The following TLR7 variants were observed in gnomAD, a reference collection of about 807,000 sequenced individuals.
TLR7 encodes the protein toll like receptor 7.
A neutral mutation model predicts 38.3 loss-of-function variants in TLR7; 12 were observed. That is an observed-to-expected ratio of 0.31 (90% CI 0.20 to 0.51). The LOEUF (loss-of-function observed/expected upper bound fraction) is 0.51. TLR7 is among the 20% of genes least tolerant of loss of function. The pLI is 0.98. For missense variants in TLR7, 504 were observed against 743.4 expected, an observed-to-expected ratio of 0.68 and a Z score of 3.74; for synonymous variants, 285 against 293.8, an observed-to-expected ratio of 0.97 and a Z score of 0.31.
At position 12,886,257 on chromosome X, in the gene TLR7, A is replaced by G; in HGVS notation, c.749A>G (p.Gln250Arg). The G allele has an allele frequency of 8.3e-7, 1 of 1,211,763 alleles. No homozygotes were observed. The highest frequency in any genetic ancestry group is 1.1e-6 in the Non-Finnish European group (1 of 895,462). ...IQEDDFNNLN[Q>R]LQILDLSGNC... The stretch of plus-strand genomic sequence containing the variant: ...GAAGATGATTTTAATAACCTCAACC[A>G]ATTACAAATTCTTGACCTAAGTGGA... The change falls in exon 3 of 3, where the codon CAA becomes CGA. Residue 250 changes from glutamine to arginine, a missense_variant. Gln to Arg is a conservative substitution (Grantham distance 43). Coordinates refer to ENST00000380659, the MANE Select transcript of TLR7 (RefSeq NM_016562.4).
At position 12,887,264 on chromosome X, in the gene TLR7, A is replaced by T; in HGVS notation, c.1756A>T (p.Thr586Ser). 8.3e-7 allele frequency: 1 copy of T among 1,210,489 alleles called. No homozygotes were observed. Among genetic ancestry groups the T allele is most frequent in the Non-Finnish European group, 1.1e-6 (1 of 894,739 alleles). Residue 586 changes from threonine (T) to serine (S), a missense_variant, in exon 3 of 3, where the codon ACT (threonine) becomes TCT (serine). By Grantham distance (58) the Thr-to-Ser change is moderately conservative. Transcript: ENST00000380659. ...NSHYFQSEGI[T>S]HMLNFTKNLK... is the part of the protein sequence containing the mutation. ...CCATTATTTTCAATCAGAAGGAATT[A>T]CTCATATGCTAAACTTTACCAAGAA...
chrX:12,880,590 G>T (rs1602436526), intron 2 of TLR7, among the ~76,000 whole-genome samples: 1 of 110,983 alleles, frequency 9.0e-6, no homozygotes, highest in South Asian at 3.8e-4. Flanking sequence ...TTAGTCTGGG[G>T]GTATAGACTG....
chrX:12,874,391 C>T (rs2042863721), intron 2 of TLR7, among the ~76,000 whole-genome samples: 1 of 111,329 alleles, frequency 9.0e-6, no homozygotes, highest in Non-Finnish European at 1.9e-5. Context: ...AAAACATGTA[C>T]TAGTTATTTT....
chrX:12,873,841 A>G (rs5743740), intron 2 of TLR7, among the ~76,000 whole-genome samples: 14,291 of 111,594 alleles, frequency 0.13, 1,045 homozygotes, highest in African/African-American at 0.28. Context: ...TTAGTAGTAG[A>G]TCATGCATAG....
chrX:12,874,707 T>C (rs899584805), intron 2 of TLR7, among the ~76,000 whole-genome samples: 2 of 112,475 alleles, frequency 1.8e-5, no homozygotes, highest in East Asian at 5.6e-4. Flanking sequence ...AATCTGACTT[T>C]CAGTTCACGT....
Position 12,887,967 on chromosome X carries a change from A to C in TLR7, c.2459A>C (p.His820Pro). 1.7e-6 allele frequency: 2 copies of C among 1,211,716 alleles called. No homozygotes were observed. Among genetic ancestry groups the C allele is most frequent in the Non-Finnish European group, 2.2e-6 (2 of 895,434 alleles). Reference sequence around the variant, plus strand: ...GTGACTTGTGTGGGGCCAGGAGCACACAAGGGCCAAAGTGTGATCTCCCTG... The same window carrying C: ...GTGACTTGTGTGGGGCCAGGAGCACCCAAGGGCCAAAGTGTGATCTCCCTG... ...TDVTCVGPGA[H>P]KGQSVISLDL... Residue 820 changes from histidine (H) to proline (P), a missense_variant, in exon 3 of 3, where the codon CAC (histidine) becomes CCC (proline). By Grantham distance (77) the His-to-Pro change is moderately conservative. Coordinates refer to ENST00000380659, the MANE Select transcript of TLR7 (RefSeq NM_016562.4).
At chrX:12,884,925 A>T (rs765469655) in intron 2 of TLR7, among the ~76,000 whole-genome samples, 142 of 113,213 alleles carry the variant, frequency 1.3e-3, no homozygotes, top group Non-Finnish European at 1.4e-3. Context: ...ATGGAATGTC[A>T]GTGCCAGAAT....
chrX:12,867,898 A>C (rs769070064), intron 2 of TLR7, among the ~76,000 whole-genome samples: 7 of 112,646 alleles, frequency 6.2e-5, no homozygotes, highest in Non-Finnish European at 1.3e-4. Flanking sequence ...AGCCATAACA[A>C]ATCACTGAAT....
chrX:12,888,539 T>A lies in TLR7; in HGVS notation c.3031T>A (p.Ser1011Thr). Residue 1011 changes from serine to threonine, a missense_variant, in exon 3 of 3, where the codon TCT (serine) becomes ACT (threonine). Coordinates refer to ENST00000380659, the MANE Select transcript of TLR7 (RefSeq NM_016562.4). Reference protein sequence around the residue: ...LQLRKRLCGSSVLEWPTNPQA... With the variant: ...LQLRKRLCGSTVLEWPTNPQA... The stretch of plus-strand genomic sequence containing the variant: ...GCTCCGGAAAAGGCTCTGTGGGAGT[T>A]CTGTCCTTGAGTGGCCAACAAACCC... 8.3e-7 allele frequency: 1 copy of A among 1,211,817 alleles called. No homozygotes were observed. The highest frequency in any genetic ancestry group is 1.1e-6 in the Non-Finnish European group (1 of 895,531).
Position 12,888,388 on chromosome X carries a change from G to A in TLR7, c.2880G>A (p.Lys960=), listed in dbSNP as rs1425587417. 3 of 1,210,482 alleles carry A rather than the reference G, an allele frequency of 2.5e-6. No homozygotes were observed. Among genetic ancestry groups the A allele is most frequent in the Non-Finnish European group, 3.4e-6 (3 of 895,357 alleles). ...SKKTVFVMTD[K]YAKTENFKIA... ...AGACAGTGTTTGTGATGACAGACAA[G>A]TATGCAAAGACTGAAAATTTTAAGA... The change falls in exon 3 of 3, where the codon AAG becomes AAA. Residue 960 remains lysine, a synonymous_variant. Transcript: ENST00000380659.
In TLR7 at chrX:12,887,664, C is replaced by T. The variant is rs749152929; in HGVS notation, c.2156C>T (p.Ser719Phe). The T allele has an allele frequency of 8.3e-7, 1 of 1,211,239 alleles. No individual in the cohort carries two copies. The highest frequency in any genetic ancestry group is 1.8e-5 in the South Asian group (1 of 56,958). ...NQLTTVPERL[S>F]NCSRSLKNLI... is the part of the protein sequence containing the mutation. ...CTGACCACTGTCCCTGAGAGATTATCCAACTGTTCCAGAAGCCTCAAGAAT... is the reference window on the plus strand; with the variant it reads ...CTGACCACTGTCCCTGAGAGATTATTCAACTGTTCCAGAAGCCTCAAGAAT... The change falls in exon 3 of 3, where the codon TCC (serine) becomes TTC (phenylalanine). Residue 719 changes from serine (S) to phenylalanine (F), a missense_variant. Coordinates refer to ENST00000380659, the MANE Select transcript of TLR7 (RefSeq NM_016562.4).
At chrX:12,877,991 T>C (rs1638596) in intron 2 of TLR7, among the ~76,000 whole-genome samples, 8,750 of 111,703 alleles carry the variant, frequency 0.078, 293 homozygotes, top group Middle Eastern at 0.12. Context: ...ATCCTAATGA[T>C]GGAGTATATG....
rs200989312 is a variant in TLR7, at chrX:12,885,721, C to A, written c.213C>A (p.Thr71=). Residue 71 remains threonine, a synonymous_variant, in exon 3 of 3, where the codon ACC becomes ACA. Transcript: ENST00000380659. The part of the protein sequence containing the change: ...GGIPTNTTNL[T]LTINHIPDIS... ...TTCCCACGAACACCACGAACCTCAC[C>A]CTCACCATTAACCACATACCAGACA... 2 of 1,211,702 alleles carry A rather than the reference C, an allele frequency of 1.7e-6. No homozygotes were observed. The highest frequency in any genetic ancestry group is 1.7e-5 in the African/African-American group (1 of 57,727).
chrX:12,869,124 C>T (rs750624200), intron 2 of TLR7, among the ~76,000 whole-genome samples: 5 of 111,599 alleles, frequency 4.5e-5, no homozygotes, highest in African/African-American at 6.5e-5. Flanking sequence ...CTTCCTAGAC[C>T]AAGCCCAGCA....
chrX:12,876,159 T>C (rs1331081382), intron 2 of TLR7, among the ~76,000 whole-genome samples: 2 of 111,609 alleles, frequency 1.8e-5, no homozygotes, highest in Admixed American at 9.5e-5. Flanking sequence ...GGTTTCACCA[T>C]GTTGGCCATG....
In TLR7 at chrX:12,888,161, A is replaced by G. The variant is rs1475287102; in HGVS notation, c.2653A>G (p.Ile885Val). The G allele has an allele frequency of 8.3e-7, 1 of 1,210,446 alleles. No homozygotes were observed. Among genetic ancestry groups the G allele is most frequent in the African/African-American group, 1.7e-5 (1 of 57,249 alleles). Residue 885 changes from isoleucine (I) to valine (V), a missense_variant, in exon 3 of 3, where the codon ATA becomes GTA. Ile to Val is a conservative substitution (Grantham distance 29). Transcript: ENST00000380659. ...KAKIKGYQRL[I>V]SPDCCYDAFI... is the part of the protein sequence containing the mutation. ...CAAGATAAAGGGGTATCAGCGTCTA[A>G]TATCACCAGACTGTTGCTATGATGC...
intron 2 of TLR7, among the ~76,000 whole-genome samples, chrX:12,873,218 G>C (rs2042859292): frequency 8.9e-6 from 1 of 112,029 alleles, no homozygotes; most frequent in Non-Finnish European, 1.9e-5. Context: ...TCTTTGTTTA[G>C]ATATCAACTT....
chrX:12,885,213 G>T (rs181490916), intron 2 of TLR7, among the ~76,000 whole-genome samples: 28 of 112,198 alleles, frequency 2.5e-4, no homozygotes, highest in African/African-American at 8.7e-4. Flanking sequence ...GTGAATCTAT[G>T]GCTCTGCAAT....
In TLR7 at chrX:12,887,521, T is replaced by C. The variant is rs765787123; in HGVS notation, c.2013T>C (p.Asp671=). Residue 671 remains aspartate, a synonymous_variant, in exon 3 of 3, where the codon GAT becomes GAC. Transcript: ENST00000380659. The part of the protein sequence containing the change: ...SLSFLPSGVF[D]GMPPNLKNLS... ...GTTTCTTGCCTTCTGGAGTTTTTGA[T>C]GGTATGCCTCCAAATCTAAAGAATC... is the stretch of plus-strand genomic sequence containing the variant. 2.9e-5 allele frequency: 35 copies of C among 1,209,806 alleles called. No individual in the cohort carries two copies. The highest frequency in any genetic ancestry group is 3.5e-5 in the African/African-American group (2 of 57,186).
Sources: allele counts gnomAD v4.1 joint callset (sites outside exome capture counted in the v4.1 genomes callset), GRCh38; gene constraint gnomAD v4.1.1; transcripts MANE v1.5; gene names NCBI Gene and HGNC (gene_info 2026-07-23, HGNC 2026-07-21).